Variants in ARHGAP10 observed in about 807,000 individuals in gnomAD.
The protein encoded by ARHGAP10 is Rho GTPase activating protein 10.
In ARHGAP10, 87 loss-of-function variants were observed where a neutral mutation model predicts 108.6. The ratio of observed to expected loss-of-function variants is 0.80; its 90% CI spans 0.67 to 0.96. The LOEUF (loss-of-function observed/expected upper bound fraction) is 0.96, where lower values mean the gene tolerates loss of function less well. Among genes scored for constraint, ARHGAP10 ranks in the 40% least tolerant of loss-of-function variants. ARHGAP10 has a pLI of 0.00. For missense variants in ARHGAP10, 939 were observed against 954.5 expected (o/e 0.98, Z 0.21); for synonymous variants, 347 against 341.1 (o/e 1.02, Z -0.19).
At chr4:147,958,487 C>G (rs1012574988) in intron 16 of ARHGAP10, among the ~76,000 whole-genome samples, 3 of 152,134 alleles carry the variant, frequency 2.0e-5, no homozygotes, top group African/African-American at 7.2e-5. Context: ...TTGGTGTTTA[C>G]CTAACCAGAA....
At chr4:147,891,038 A>C (rs765204939) in intron 10 of ARHGAP10, among the ~76,000 whole-genome samples, 1 of 152,256 alleles carries the variant, frequency 6.6e-6, no homozygotes, top group Non-Finnish European at 1.5e-5. Context: ...TGAGAATTTA[A>C]ATGGAATGCT....
At chr4:147,786,204 G>C (rs1262780328) in intron 1 of ARHGAP10, among the ~76,000 whole-genome samples, 1 of 152,126 alleles carries the variant, frequency 6.6e-6, no homozygotes, top group East Asian at 1.9e-4. Flanking sequence ...CTGGTAGCTG[G>C]AGAGCCTGGA....
intron 1 of ARHGAP10, among the ~76,000 whole-genome samples, chr4:147,800,980 A>G (rs1004620888): frequency 2.6e-5 from 4 of 152,110 alleles, no homozygotes; most frequent in African/African-American, 9.7e-5. Flanking sequence ...TAATTTTTGT[A>G]TATTTAGTAG....
At chr4:147,880,726 G>A (rs1420589045) in intron 9 of ARHGAP10, among the ~76,000 whole-genome samples, 7 of 152,170 alleles carry the variant, frequency 4.6e-5, no homozygotes, top group Non-Finnish European at 8.8e-5. Context: ...TAAATTCAGG[G>A]TGATTCACAT....
chr4:147,902,216 T>A (rs1736279813), intron 10 of ARHGAP10, among the ~76,000 whole-genome samples: 1 of 152,218 alleles, frequency 6.6e-6, no homozygotes, highest in Non-Finnish European at 1.5e-5. Context: ...TATCATCCTT[T>A]TAGTCTTCTA....
At chr4:147,924,248 C>T (rs141745912) in intron 13 of ARHGAP10, among the ~76,000 whole-genome samples, 4 of 152,224 alleles carry the variant, frequency 2.6e-5, no homozygotes, top group Non-Finnish European at 5.9e-5. Flanking sequence ...TCTGAGACGG[C>T]GAACCCCGAG....
At chr4:147,966,038 A>G (rs189000319) in intron 17 of ARHGAP10, among the ~76,000 whole-genome samples, 14 of 152,376 alleles carry the variant, frequency 9.2e-5, no homozygotes, top group South Asian at 4.1e-4. Flanking sequence ...ACAGTTGTCT[A>G]TGTGATTCAC....
intron 1 of ARHGAP10, among the ~76,000 whole-genome samples, chr4:147,755,766 G>A (rs532154165): frequency 2.6e-5 from 4 of 152,210 alleles, no homozygotes; most frequent in African/African-American, 9.6e-5. Flanking sequence ...GGACTATCAC[G>A]AAAGAAGGTG....
Position 147,741,800 on chromosome 4 carries a change from A to G in ARHGAP10, c.154+9345A>G, listed in dbSNP as rs201220481. On this transcript the variant is annotated intron_variant, in intron 1 of 22. Transcript: ENST00000336498. ...CACACACACACACACACGCACACAC[A>G]CACACACACACACACACACACACAC... Among the ~76,000 whole-genome samples the G allele has an allele frequency of 8.5e-4, 118 of 139,050 alleles. 1 individual carries two copies. The highest frequency in any genetic ancestry group is 7.5e-3 in the South Asian group (33 of 4,394). 91.2% of individuals were successfully genotyped at this position (139,050 alleles called of 152,430 possible).
chr4:148,001,400 CT>C (rs978897237), intron 18 of ARHGAP10, among the ~76,000 whole-genome samples: 2 of 152,122 alleles, frequency 1.3e-5, no homozygotes, highest in Non-Finnish European at 2.9e-5. Context: ...AATGCGGGCC[CT>C]TTTTTGGTTC....
intron 1 of ARHGAP10, among the ~76,000 whole-genome samples, chr4:147,791,143 T>C (rs1420635647): frequency 1.3e-5 from 2 of 150,168 alleles, no homozygotes; most frequent in Admixed American, 1.3e-4. Flanking sequence ...ACAGAGTCTC[T>C]CTTTGTCACC....
chr4:148,060,138 G>A (rs868301210), intron 20 of ARHGAP10, among the ~76,000 whole-genome samples: 26 of 152,066 alleles, frequency 1.7e-4, no homozygotes, highest in African/African-American at 4.8e-4. Flanking sequence ...AAAATGCCTC[G>A]TGTTCCTTCA....
intron 18 of ARHGAP10, among the ~76,000 whole-genome samples, chr4:148,010,631 C>T (rs1441885555): frequency 1.3e-5 from 2 of 152,130 alleles, no homozygotes; most frequent in Non-Finnish European, 2.9e-5. Context: ...GAATATGTGT[C>T]TCCTAAAAAC....
chr4:147,736,103 G>A (rs1297625748), intron 1 of ARHGAP10, among the ~76,000 whole-genome samples: 1 of 150,568 alleles, frequency 6.6e-6, no homozygotes, highest in Admixed American at 6.6e-5. Flanking sequence ...GCTCTGTAGT[G>A]AACTTAAATT....
intron 1 of ARHGAP10, among the ~76,000 whole-genome samples, chr4:147,761,354 A>G (rs1286396309): frequency 6.6e-6 from 1 of 152,140 alleles, no homozygotes; most frequent in Non-Finnish European, 1.5e-5. Flanking sequence ...TAAAATTTTA[A>G]AAATCTTTTC....
intron 3 of ARHGAP10, among the ~76,000 whole-genome samples, chr4:147,836,191 T>C (rs377618287): frequency 5.9e-5 from 9 of 152,352 alleles, no homozygotes; most frequent in African/African-American, 2.2e-4. Context: ...TCGTAGAAGA[T>C]AGATACTAAG....
intron 13 of ARHGAP10, among the ~76,000 whole-genome samples, chr4:147,935,306 A>G (rs1395217159): frequency 6.6e-6 from 1 of 152,202 alleles, no homozygotes; most frequent in Non-Finnish European, 1.5e-5. Context: ...ATGGGGATCC[A>G]GGGGACATTA....
chr4:148,009,751 C>T (rs988148791), intron 18 of ARHGAP10, among the ~76,000 whole-genome samples: 1 of 152,168 alleles, frequency 6.6e-6, no homozygotes, highest in Non-Finnish European at 1.5e-5. Context: ...GATGGACTAA[C>T]TCAGCTTCAA....
At chr4:147,805,214 CTG>C (rs1219617615) in intron 1 of ARHGAP10, among the ~76,000 whole-genome samples, 11 of 152,174 alleles carry the variant, frequency 7.2e-5, no homozygotes, top group African/African-American at 9.7e-5. Context: ...TGTTCCAGCA[CTG>C]TTTACTGAAT....
Sources: allele counts gnomAD v4.1 joint callset (sites outside exome capture counted in the v4.1 genomes callset), GRCh38; gene constraint gnomAD v4.1.1; transcripts MANE v1.5; gene names NCBI Gene and HGNC (gene_info 2026-07-23, HGNC 2026-07-21).